ITGAM: variants seen among roughly 807,000 people sequenced by gnomAD.
ITGAM encodes the protein integrin alpha-M.
In ITGAM, 79 loss-of-function variants were observed where a neutral mutation model predicts 137.5. The observed-to-expected ratio is 0.57, with a 90% CI of 0.48 to 0.69. ITGAM has a LOEUF of 0.69. Ranked by LOEUF, ITGAM falls within the 30% of genes least tolerant of loss-of-function variation. The pLI is 0.00. For synonymous variants in ITGAM, 583 were observed against 592.3 expected (o/e 0.98, Z 0.23); for missense variants, 1,343 against 1,483.5 (o/e 0.91, Z 1.56).
rs1168704990 is a variant in ITGAM at position 31,261,700 on chromosome 16, T to G, written c.37T>G (p.Leu13Val). ...CCCCATTCTCCCTTTAGCCTTGACC[T>G]TATGTCATGGGTTCAACTTGGACAC... ...LRVLLLTALT[L>V]CHGFNLDTEN... The change falls in exon 2 of 30, where the codon TTA becomes GTA. Residue 13 changes from leucine to valine, a missense_variant. Transcript: ENST00000544665. The G allele has an allele frequency of 1.2e-6, 2 of 1,609,998 alleles. No homozygotes were observed. Among genetic ancestry groups the G allele is most frequent in the Non-Finnish European group, 1.7e-6 (2 of 1,177,856 alleles).
intron 12 of ITGAM, among the ~76,000 whole-genome samples, chr16:31,289,690 A>G (rs11863592): frequency 0.39 from 58,816 of 152,080 alleles, 14,964 homozygotes; most frequent in African/African-American, 0.73. Flanking sequence ...CACCAACATG[A>G]CACATGTATA....
chr16:31,317,234 T>G (rs759118639), intron 14 of ITGAM, among the ~76,000 whole-genome samples: 2 of 152,204 alleles, frequency 1.3e-5, no homozygotes, highest in African/African-American at 4.8e-5. Context: ...CTAGACACTT[T>G]TTTTAATGTT....
intron 16 of ITGAM, among the ~76,000 whole-genome samples, chr16:31,322,512 C>T (rs575422798): frequency 6.6e-6 from 1 of 152,302 alleles, no homozygotes; most frequent in Non-Finnish European, 1.5e-5. Context: ...CAGTAGAAAA[C>T]AGCAACTGAA....
Position 31,297,640 on chromosome 16 carries a change from C to G in ITGAM, c.1483C>G (p.Pro495Ala). 6.2e-7 allele frequency: 1 copy of G among 1,613,266 alleles called. No individual in the cohort carries two copies. The highest frequency in any genetic ancestry group is 8.5e-7 in the Non-Finnish European group (1 of 1,179,828). The change falls in exon 13 of 30, where the codon CCC becomes GCC. Residue 495 changes from proline to alanine, a missense_variant. By Grantham distance (27) the Pro-to-Ala change is conservative. Transcript: ENST00000544665. ...CCGAGGGGGCCAGGTGTCCGTGTGC[C>G]CCTTGCCCAGGGGGGTGAGTGGCAA... ...QTRGGQVSVC[P>A]LPRGRARWQC...
In ITGAM at chr16:31,324,718, T is replaced by G; in HGVS notation, c.2225T>G (p.Leu742Trp). 1 of 1,600,408 alleles carries G rather than the reference T, an allele frequency of 6.2e-7. No homozygotes were observed. Among genetic ancestry groups the G allele is most frequent in the Non-Finnish European group, 8.5e-7 (1 of 1,174,084 alleles). The change falls in exon 18 of 30, where the codon TTG becomes TGG. Residue 742 changes from leucine (L) to tryptophan (W), a missense_variant. Coordinates refer to ENST00000544665, the MANE Select transcript of ITGAM (RefSeq NM_000632.4). The surrounding 1 kb of genome is among the most constrained non-coding windows in gnomAD (Gnocchi z 4.5). ...RLNFSLVGTPLSAFGNLRPVL... is the reference protein window; with the variant it reads ...RLNFSLVGTPWSAFGNLRPVL... ...AACTTCTCTCTGGTGGGAACGCCAT[T>G]GTCTGCTTTCGGGAACCTCCGGCCA...
chr16:31,321,132 C>A, intron 14 of ITGAM, 109 bp from the exon 15 acceptor site: 1 of 1,264,832 alleles, frequency 7.9e-7, no homozygotes, highest in Non-Finnish European at 1.1e-6. Context: ...AGAGATGAGA[C>A]TTGAGTAGAG....
intron 7 of ITGAM, 119 bp downstream of exon 7, chr16:31,272,111 G>T: frequency 8.3e-7 from 1 of 1,203,214 alleles, no homozygotes; most frequent in South Asian, 1.3e-5. Flanking sequence ...ACCGGCAGAG[G>T]TGGGGAGGCT....
intron 5 of ITGAM, among the ~76,000 whole-genome samples, chr16:31,270,103 A>ATCCT (rs371263313): frequency 0.12 from 16,854 of 140,332 alleles, 1,860 homozygotes; most frequent in African/African-American, 0.18. Context: ...TATCTGGCAA[A>ATCCT]TCCTTCCTTC....
At chr16:31,273,589 T>G in intron 8 of ITGAM, 71 bp downstream of exon 8, 1 of 1,474,072 alleles carries the variant, frequency 6.8e-7, no homozygotes, top group Non-Finnish European at 9.4e-7. Context: ...CCCTTCAATT[T>G]GCAAATATTA....
chr16:31,326,067 AAAAT>A (rs1228923872), intron 21 of ITGAM, among the ~76,000 whole-genome samples: 6 of 152,064 alleles, frequency 3.9e-5, no homozygotes, highest in African/African-American at 1.5e-4. Context: ...CCCTGTCTTG[AAAAT>A]AAATAAAATG....
chr16:31,274,663 G>A (rs1475721221), intron 8 of ITGAM, among the ~76,000 whole-genome samples: 1 of 151,942 alleles, frequency 6.6e-6, no homozygotes, highest in Non-Finnish European at 1.5e-5. Context: ...CGCTCAGGCT[G>A]GAGTGCAGTG....
Position 31,302,428 on chromosome 16 carries a change from C to CTTTCTTTCTTTCTTTCTTTCTTTCT in ITGAM, c.1707+4476_1707+4477insTCTTTCTTTCTTTCTTTCTTTCTTT, listed in dbSNP as rs71390270. On this transcript the variant is annotated intron_variant, in intron 14 of 29. Coordinates refer to ENST00000544665, the MANE Select transcript of ITGAM (RefSeq NM_000632.4). Reference sequence around the variant, plus strand: ...TTCTTTTTTCTTTCTTTCTTTCTTTCTTCTTTCTTTCTTTCTTTCTTTCTT... The same window carrying CTTTCTTTCTTTCTTTCTTTCTTTCT: ...TTCTTTTTTCTTTCTTTCTTTCTTTCTTTCTTTCTTTCTTTCTTTCTTTCTTTCTTTCTTTCTTTCTTTCTTTCTT... Among the ~76,000 whole-genome samples, 6 of 103,174 alleles carry CTTTCTTTCTTTCTTTCTTTCTTTCT rather than the reference C, an allele frequency of 5.8e-5. 1 individual carries two copies. Among genetic ancestry groups the CTTTCTTTCTTTCTTTCTTTCTTTCT allele is most frequent in the African/African-American group, 1.1e-4 (2 of 18,136 alleles). 67.7% of individuals were successfully genotyped at this position (103,174 alleles called of 152,430 possible). A position where few individuals can be genotyped will look rare whatever the true frequency, so the allele number is the denominator to read the frequency against.
chr16:31,324,352 G>A lies in ITGAM; in HGVS notation c.2003-47G>A, dbSNP rs1217774479. The A allele has an allele frequency of 2.6e-6, 4 of 1,523,686 alleles. No individual in the cohort carries two copies. Among genetic ancestry groups the A allele is most frequent in the Non-Finnish European group, 3.6e-6 (4 of 1,122,776 alleles). The allele number at this position is 1,523,686 out of a possible 1,614,324, so 94.4% of individuals were successfully genotyped here. On this transcript the variant is annotated intron_variant, in intron 16 of 29. Coordinates refer to ENST00000544665, the MANE Select transcript of ITGAM (RefSeq NM_000632.4). The surrounding 1 kb of genome is among the most constrained non-coding windows in gnomAD (Gnocchi z 4.5). ...TGGGCCTTGAACTCCCATCTGCCGG[G>A]TTCCGAGGCTCAGGCCCCTCACTGC...
intron 14 of ITGAM, among the ~76,000 whole-genome samples, chr16:31,311,895 A>T (rs528950939): frequency 1.8e-3 from 274 of 152,210 alleles, no homozygotes; most frequent in African/African-American, 6.5e-3. Context: ...CAAATGTTCA[A>T]CAATGATAGA....
chr16:31,325,073 G>C, intron 19 of ITGAM, 42 bp downstream of exon 19: 1 of 1,534,668 alleles, frequency 6.5e-7, no homozygotes, highest in Non-Finnish European at 8.8e-7. Flanking sequence ...AGAAGGACCC[G>C]TACCATGACC....
intron 14 of ITGAM, among the ~76,000 whole-genome samples, chr16:31,298,815 CG>C (rs1371802076): frequency 1.3e-5 from 2 of 149,542 alleles, no homozygotes; most frequent in East Asian, 1.9e-4. Context: ...AGGGGTCCTA[CG>C]TTTTTTTGCA....
chr16:31,273,287 G>A lies in ITGAM; in HGVS notation c.705-78G>A, dbSNP rs1237710188. ...CTCCAGCCTGGATAACAGAGTGAGT[G>A]TCTATTTCTTAAAAAAAAAAAAAAA... is the stretch of plus-strand genomic sequence containing the variant. On this transcript the variant is annotated intron_variant, in intron 7 of 29. Transcript: ENST00000544665. 19 of 1,261,256 alleles carry A rather than the reference G, an allele frequency of 1.5e-5. No individual in the cohort carries two copies. The East Asian group carries it at 4.2e-4, about 28-fold the overall frequency. 78.1% of individuals were successfully genotyped at this position (1,261,256 alleles called of 1,614,324 possible). A position where few individuals can be genotyped will look rare whatever the true frequency, so the allele number is the denominator to read the frequency against.
chr16:31,269,983 G>A (rs528806479), intron 5 of ITGAM, among the ~76,000 whole-genome samples: 6 of 152,162 alleles, frequency 3.9e-5, no homozygotes, highest in Non-Finnish European at 8.8e-5. Context: ...AGAGCTGAGC[G>A]GCAATGGGTA....
chr16:31,298,094 C>G (rs1384746456), intron 14 of ITGAM, 140 bp downstream of exon 14: 2 of 767,394 alleles, frequency 2.6e-6, no homozygotes. Flanking sequence ...GTGGCTGGGC[C>G]TGGTGGCTGA....
Sources: gnomAD v4.1 joint callset for allele counts (sites outside exome capture counted in the v4.1 genomes callset) on GRCh38, gnomAD v4.1.1 for gene constraint, Gnocchi (gnomAD v3.1) non-coding constraint, MANE v1.5 for transcripts, NCBI Gene and HGNC (gene_info 2026-07-23, HGNC 2026-07-21) for gene names.